SPG7: variants seen among roughly 807,000 people sequenced by gnomAD.
The protein encoded by SPG7 is SPG7 matrix AAA peptidase subunit, paraplegin, also known as mitochondrial inner membrane m-AAA protease component paraplegin.
Under a neutral mutation model 81.9 loss-of-function variants are expected in SPG7, and 103 were observed. The observed-to-expected ratio is 1.26, with a 90% CI of 1.07 to 1.48. SPG7 has a LOEUF of 1.48. Among genes scored for constraint, SPG7 ranks in the 40% most tolerant of loss-of-function variants. The probability of loss-of-function intolerance (pLI) is 0.00; values close to 1 mark genes in which losing one functional copy is unlikely to be tolerated. For synonymous variants in SPG7, 534 were observed against 444.2 expected (o/e 1.20, Z -2.54); for missense variants, 1,241 against 1,087.3 (o/e 1.14, Z -1.99).
At chr16:89,537,148 G>T (rs2058436041) in intron 9 of SPG7, 1 of 1,458,822 alleles carries the variant, frequency 6.9e-7, no homozygotes, top group East Asian at 2.5e-5. Flanking sequence ...GCCAGGCTTT[G>T]TTGCTTCCGT....
chr16:89,509,565 A>C (rs2057984021), intron 1 of SPG7, among the ~76,000 whole-genome samples: 1 of 151,784 alleles, frequency 6.6e-6, no homozygotes, highest in Admixed American at 6.6e-5. Context: ...ACATATTTAA[A>C]TGGGAAAATG....
chr16:89,543,272 G>A (rs1201915456), intron 9 of SPG7: 1 of 148,434 alleles, frequency 6.7e-6, no homozygotes, highest in African/African-American at 2.5e-5. Flanking sequence ...ATTAGTCACG[G>A]GTCCTGTTCT....
Position 89,511,159 on chromosome 16 carries a change from A to T in SPG7, c.286+567A>T, listed in dbSNP as rs114913734. On this transcript the variant is annotated intron_variant, in intron 2 of 16. Transcript: ENST00000645818. ...GGCCAAGTTGTCCTTTTTTAAAAAA[A>T]ATTCTGCTGTATTCCAGTAATTGGG... Among the ~76,000 whole-genome samples, 449 of 152,292 alleles carry T rather than the reference A, an allele frequency of 2.9e-3. 1 individual carries two copies. The highest frequency in any genetic ancestry group is 0.01 in the African/African-American group (430 of 41,566).
intron 9 of SPG7, 35 bp downstream of exon 9, chr16:89,532,671 C>T (rs2064765481): frequency 6.2e-7 from 1 of 1,611,340 alleles, no homozygotes; most frequent in African/African-American, 1.3e-5. Context: ...CCCATTGCAC[C>T]ATCAGAGGAG....
At chr16:89,543,740 G>C (rs144122511) in intron 9 of SPG7, 1 of 144,086 alleles carries the variant, frequency 6.9e-6, no homozygotes, top group African/African-American at 2.6e-5. Context: ...TGCAACCTCC[G>C]CCTCCCAGGT....
At chr16:89,510,423 G>C in intron 1 of SPG7, 67 bp from the exon 2 acceptor site, 1 of 955,830 alleles carries the variant, frequency 1.0e-6, no homozygotes, top group Non-Finnish European at 1.7e-6. Flanking sequence ...ACGATTTTTA[G>C]TCTGCATTGC....
intron 3 of SPG7, chr16:89,523,725 G>A (rs1334206077): frequency 5.4e-6 from 3 of 554,548 alleles, no homozygotes; most frequent in Middle Eastern, 2.8e-4. Flanking sequence ...GTTGTGCCCA[G>A]GTCTAAGTGT....
Position 89,512,955 on chromosome 16 carries a change from T to C in SPG7, c.294T>C (p.Thr98=). The C allele has an allele frequency of 6.2e-7, 1 of 1,613,384 alleles. No homozygotes were observed. Among genetic ancestry groups the C allele is most frequent in the Non-Finnish European group, 8.5e-7 (1 of 1,179,482 alleles). The change falls in exon 3 of 17, where the codon ACT becomes ACC. Residue 98 remains threonine, a synonymous_variant. Coordinates refer to ENST00000645818, the MANE Select transcript of SPG7 (RefSeq NM_003119.4). ...TTTCTCTATTTCTCATAGGTGGTAC[T>C]TTCTATTTTAACACCTCAAGGTTGA... ...PVRLWQLLGG[T]FYFNTSRLKQ... is the part of the protein sequence containing the mutation.
chr16:89,536,572 CAGGTGAGGCGGGTG>C (rs1389832038), intron 9 of SPG7, among the ~76,000 whole-genome samples: 4 of 98,916 alleles, frequency 4.0e-5, no homozygotes, highest in African/African-American at 1.2e-4. Context: ...CGGGTGAGGT[CAGGTGAGGCGGGTG>C]AGGTGAGGCA....
At chr16:89,531,074 C>G (rs1254291398) in intron 7 of SPG7, 1 of 564,180 alleles carries the variant, frequency 1.8e-6, no homozygotes, top group Non-Finnish European at 3.2e-6. Context: ...TCATCCCTTG[C>G]AAAGCTCTGT....
Position 89,529,988 on chromosome 16 carries a change from C to T in SPG7, c.861+409C>T, listed in dbSNP as rs534775966. 221 of 311,516 alleles carry T rather than the reference C, an allele frequency of 7.1e-4. 1 individual carries two copies. The highest frequency in any genetic ancestry group is 4.9e-3 in the South Asian group (171 of 34,722). The allele number at this position is 311,516 out of a possible 1,614,324, so 19.3% of individuals were successfully genotyped here. On this transcript the variant is annotated intron_variant, in intron 6 of 16. Coordinates refer to ENST00000645818, the MANE Select transcript of SPG7 (RefSeq NM_003119.4). ...CCGAGTAGCTGGGATTACAGGCACGCGCCACCACGTCCAGCTAATTTTGTA... is the reference window on the plus strand; with the variant it reads ...CCGAGTAGCTGGGATTACAGGCACGTGCCACCACGTCCAGCTAATTTTGTA...
chr16:89,528,231 A>G (rs2058291005), intron 5 of SPG7, among the ~76,000 whole-genome samples: 1 of 151,748 alleles, frequency 6.6e-6, no homozygotes, highest in Admixed American at 6.6e-5. Context: ...TCTACTAAAA[A>G]TACAAAAAAA....
At chr16:89,537,381 C>T (rs1458147778) in intron 9 of SPG7, 7 of 1,112,308 alleles carry the variant, frequency 6.3e-6, no homozygotes, top group Admixed American at 4.6e-5. Flanking sequence ...TGATGGGGAG[C>T]GTCGGCGCTG....
chr16:89,546,218 C>T lies in SPG7; in HGVS notation c.1450-440C>T, dbSNP rs1208760538. 3 of 311,022 alleles carry T rather than the reference C, an allele frequency of 9.6e-6. No homozygotes were observed. The East Asian group carries it at 2.8e-4, about 29-fold the overall frequency. The allele number at this position is 311,022 out of a possible 1,614,324, so 19.3% of individuals were successfully genotyped here. ...TGTCCCGCCTCAGCCTCCCGAGTAG[C>T]TGGGATTACAGGCACCCGCCGTCTT... On this transcript the variant is annotated intron_variant, in intron 10 of 16. Coordinates refer to ENST00000645818, the MANE Select transcript of SPG7 (RefSeq NM_003119.4).
At chr16:89,518,578 T>C (rs1344497184) in intron 3 of SPG7, 1 of 149,944 alleles carries the variant, frequency 6.7e-6, no homozygotes, top group Non-Finnish European at 1.5e-5. Context: ...ATAACGCGGG[T>C]GAACCCAGAA....
At chr16:89,527,199 GTGCT>G (rs2058276080) in intron 5 of SPG7, 1 of 153,784 alleles carries the variant, frequency 6.5e-6, no homozygotes, top group African/African-American at 2.4e-5. Context: ...CATTCATTCT[GTGCT>G]TGGTTAAACC....
chr16:89,555,339 C>A (rs112893405), intron 16 of SPG7: 6,164 of 152,626 alleles, frequency 0.04, 366 homozygotes, highest in African/African-American at 0.14. Flanking sequence ...CCTCGGCCTC[C>A]CCAAGTGTTG....
At chr16:89,526,046 T>C (rs912222334) in intron 4 of SPG7, among the ~76,000 whole-genome samples, 1 of 152,180 alleles carries the variant, frequency 6.6e-6, no homozygotes, top group African/African-American at 2.4e-5. Flanking sequence ...GTACAGATGT[T>C]CCTTGAATTA....
At chr16:89,548,593 T>TCGCC in intron 12 of SPG7, 1 of 295,218 alleles carries the variant, frequency 3.4e-6, no homozygotes, top group Non-Finnish European at 6.7e-6. Context: ...CCACCTCTGG[T>TCGCC]GAAACTCATG....
Sources: gnomAD v4.1 joint callset for allele counts (sites outside exome capture counted in the v4.1 genomes callset) on GRCh38, gnomAD v4.1.1 for gene constraint, MANE v1.5 for transcripts, NCBI Gene and HGNC (gene_info 2026-07-23, HGNC 2026-07-21) for gene names.